Variants in USP38 observed in about 807,000 individuals in gnomAD.
USP38 encodes ubiquitin carboxyl-terminal hydrolase 38.
USP38 carries 49 observed loss-of-function variants against 94.3 expected under a neutral mutation model. The observed-to-expected ratio is 0.52, with a 90% confidence interval of 0.41 to 0.66. USP38 has a LOEUF of 0.66. USP38 is among the 30% of genes least tolerant of loss of function. The probability of loss-of-function intolerance (pLI) is 0.00; values close to 1 mark genes in which losing one functional copy is unlikely to be tolerated. For missense variants in USP38, 1,128 were observed against 1,229.4 expected (o/e 0.92, Z 1.23); for synonymous variants, 468 against 463.6 (o/e 1.01, Z -0.12).
Position 143,220,473 on chromosome 4 carries a change from A to AATGCACTGGTCACGAAACGTCTAATACT in USP38, c.*21_*48dup. The AATGCACTGGTCACGAAACGTCTAATACT allele has an allele frequency of 6.2e-7, 1 of 1,602,074 alleles. No homozygotes were observed. Among genetic ancestry groups the AATGCACTGGTCACGAAACGTCTAATACT allele is most frequent in the Non-Finnish European group, 8.5e-7 (1 of 1,174,660 alleles). On this transcript the variant is annotated 3_prime_UTR_variant, in exon 10 of 10. Transcript: ENST00000307017. ...GTATTTTGATCCTGAGAGAGTCCAA[A>AATGCACTGGTCACGAAACGTCTAATACT]ATGCACTGGTCACGAAACGTCTAAT... is the stretch of plus-strand genomic sequence containing the variant.
At position 143,221,716 on chromosome 4, in the gene USP38, C is replaced by T. The variant is rs560356269; in HGVS notation, c.*1260C>T. The T allele has an allele frequency of 4.4e-4, 67 of 152,186 alleles. No homozygotes were observed. The highest frequency in any genetic ancestry group is 1.3e-3 in the African/African-American group (55 of 41,556). 9.4% of individuals were successfully genotyped at this position (152,186 alleles called of 1,614,324 possible). On this transcript the variant is annotated 3_prime_UTR_variant, in exon 10 of 10. Transcript: ENST00000307017. ...CCCCTTCCTAAAGGTTTTAACTTAT[C>T]CACAGTTGTGCATTGTTCTGAAGAT...
In USP38 at chr4:143,185,800, G is replaced by A; in HGVS notation, c.350G>A (p.Cys117Tyr). The A allele has an allele frequency of 1.2e-6, 2 of 1,614,218 alleles. No individual in the cohort carries two copies. Among genetic ancestry groups the A allele is most frequent in the Non-Finnish European group, 1.7e-6 (2 of 1,180,034 alleles). ...IHNGLKLIMSCPSVLDLFSLL... is the reference protein window; with the variant it reads ...IHNGLKLIMSYPSVLDLFSLL... ...AACGGCCTGAAGCTGATTATGAGCT[G>A]TCCGTCGGTGCTGGATCTCTTTAGC... Residue 117 changes from cysteine (C) to tyrosine (Y), a missense_variant, in exon 1 of 10, where the codon TGT (cysteine) becomes TAT (tyrosine). Transcript: ENST00000307017.
intron 2 of USP38, among the ~76,000 whole-genome samples, chr4:143,190,869 G>A (rs193212290): frequency 1.2e-3 from 188 of 151,946 alleles, no homozygotes; most frequent in African/African-American, 4.1e-3. Flanking sequence ...CTACTAAGTC[G>A]AATTCATATT....
intron 1 of USP38, 61 bp downstream of exon 1, chr4:143,186,193 C>T: frequency 6.8e-7 from 1 of 1,481,224 alleles, no homozygotes; most frequent in Non-Finnish European, 9.3e-7. Context: ...CTCTTGCACA[C>T]ACACATTCAC....
In USP38 at chr4:143,214,885, C is replaced by A. The variant is rs1732142122; in HGVS notation, c.2909C>A (p.Pro970Gln). 2 of 1,613,398 alleles carry A rather than the reference C, an allele frequency of 1.2e-6. No homozygotes were observed. Residue 970 changes from proline (P) to glutamine (Q), a missense_variant, in exon 9 of 10, where the codon CCA (proline) becomes CAA (glutamine). Coordinates refer to ENST00000307017, the MANE Select transcript of USP38 (RefSeq NM_032557.6). ...PTSGLWINGD[P>Q]PLQKELMDAI... ...AGTGGACTCTGGATAAATGGAGACCCACCTCTACAGAAAGAACTTATGGAT... is the reference window on the plus strand; with the variant it reads ...AGTGGACTCTGGATAAATGGAGACCAACCTCTACAGAAAGAACTTATGGAT...
chr4:143,212,010 A>T (rs1036554199), intron 7 of USP38, among the ~76,000 whole-genome samples: 1 of 152,186 alleles, frequency 6.6e-6, no homozygotes, highest in Non-Finnish European at 1.5e-5. Context: ...CAGGAGCTTT[A>T]TATCAAGAGT....
chr4:143,185,488 A>T lies in USP38; in HGVS notation c.38A>T (p.His13Leu), dbSNP rs1731189244. Residue 13 changes from histidine (H) to leucine (L), a missense_variant, in exon 1 of 10, where the codon CAT (histidine) becomes CTT (leucine). Transcript: ENST00000307017. ...KILEGLVSSS[H>L]PLPLKRVIVR... ...CTGGAGGGCCTTGTGAGTTCCTCGCATCCCCTGCCCCTCAAGCGGGTGATT... is the reference window on the plus strand; with the variant it reads ...CTGGAGGGCCTTGTGAGTTCCTCGCTTCCCCTGCCCCTCAAGCGGGTGATT... 1 of 1,605,278 alleles carries T rather than the reference A, an allele frequency of 6.2e-7. No individual in the cohort carries two copies. Among genetic ancestry groups the T allele is most frequent in the Admixed American group, 1.7e-5 (1 of 59,440 alleles).
In USP38 at chr4:143,185,397, G is replaced by A. The variant is rs1043379307; in HGVS notation, c.-54G>A. 5.9e-6 allele frequency: 9 copies of A among 1,517,632 alleles called. No homozygotes were observed. In the African/African-American group the frequency reaches 1.1e-4, roughly 19 times the overall value. 94.0% of individuals were successfully genotyped at this position (1,517,632 alleles called of 1,614,324 possible). ...CCGGGGCTCTCCTGCCCCACCTCGG[G>A]GCTGCCGCCACCCGCTCCTTATCCC... is the stretch of plus-strand genomic sequence containing the variant. On this transcript the variant is annotated 5_prime_UTR_variant, in exon 1 of 10. Coordinates refer to ENST00000307017, the MANE Select transcript of USP38 (RefSeq NM_032557.6).
At chr4:143,188,544 G>A (rs1731299262) in intron 2 of USP38, among the ~76,000 whole-genome samples, 1 of 152,050 alleles carries the variant, frequency 6.6e-6, no homozygotes, top group Non-Finnish European at 1.5e-5. Flanking sequence ...ATTCCTTTGT[G>A]AGTAGTCAGC....
Position 143,214,858 on chromosome 4 carries a change from C to A in USP38, c.2882C>A (p.Thr961Asn). Residue 961 changes from threonine to asparagine, a missense_variant, in exon 9 of 10, where the codon ACC (threonine) becomes AAC (asparagine). Physicochemically the swap from Thr to Asn is moderately conservative, Grantham distance 65. Coordinates refer to ENST00000307017, the MANE Select transcript of USP38 (RefSeq NM_032557.6). ...AATGGTTTAAGTGGTAATAACCCAA[C>A]CAGTGGACTCTGGATAAATGGAGAC... The part of the protein sequence containing the change: ...STNGLSGNNP[T>N]SGLWINGDPP... 1 of 1,613,510 alleles carries A rather than the reference C, an allele frequency of 6.2e-7. No homozygotes were observed. Among genetic ancestry groups the A allele is most frequent in the Non-Finnish European group, 8.5e-7 (1 of 1,179,680 alleles).
intron 5 of USP38, chr4:143,204,267 A>C (rs771606889): frequency 1.3e-4 from 49 of 374,180 alleles, no homozygotes; most frequent in Non-Finnish European, 2.2e-4. Context: ...GGCGTGAGCC[A>C]CTGCACCTGG....
chr4:143,187,781 G>A (rs757352805), intron 1 of USP38, 45 bp from the exon 2 acceptor site: 6 of 1,525,244 alleles, frequency 3.9e-6, no homozygotes, highest in Non-Finnish European at 5.3e-6. Flanking sequence ...TTAAATACTT[G>A]AACCTACTTG....
chr4:143,185,403 C>T lies in USP38; in HGVS notation c.-48C>T, dbSNP rs759695914. ...CTCTCCTGCCCCACCTCGGGGCTGC[C>T]GCCACCCGCTCCTTATCCCCTGGCC... On this transcript the variant is annotated 5_prime_UTR_variant, in exon 1 of 10. Transcript: ENST00000307017. The T allele has an allele frequency of 1.3e-6, 2 of 1,520,842 alleles. No homozygotes were observed. Among genetic ancestry groups the T allele is most frequent in the Non-Finnish European group, 1.8e-6 (2 of 1,134,572 alleles). The allele number at this position is 1,520,842 out of a possible 1,614,324, so 94.2% of individuals were successfully genotyped here. A position where few individuals can be genotyped will look rare whatever the true frequency, so the allele number is the denominator to read the frequency against.
chr4:143,197,834 A>G lies in USP38; in HGVS notation c.960A>G (p.Arg320=), dbSNP rs1731595353. The G allele has an allele frequency of 1.2e-6, 2 of 1,612,448 alleles. No individual in the cohort carries two copies. Among genetic ancestry groups the G allele is most frequent in the South Asian group, 2.2e-5 (2 of 90,676 alleles). The change falls in exon 4 of 10, where the codon CGA becomes CGG. Residue 320 remains arginine, a synonymous_variant. Transcript: ENST00000307017. ...GTCTTATTTTGAAGGTTTTTAATCG[A>G]CTTTGGTTTCCTCTTGTGAGACCTG... is the stretch of plus-strand genomic sequence containing the variant. ...TLLKIELVFN[R]LWFPLVRPGA...
At chr4:143,208,741 TTGTGGG>T (rs1731941367) in intron 6 of USP38, among the ~76,000 whole-genome samples, 2 of 152,036 alleles carry the variant, frequency 1.3e-5, no homozygotes, top group African/African-American at 4.8e-5. Context: ...CAATTCAAAT[TTGTGGG>T]GTGTTTTATT....
At position 143,218,925 on chromosome 4, in the gene USP38, C is replaced by T. The variant is rs377379465; in HGVS notation, c.2968-1370C>T. 1.0e-3 allele frequency among the ~76,000 whole-genome samples: 154 copies of T among 152,108 alleles called. 1 individual carries two copies. Among genetic ancestry groups the T allele is most frequent in the African/African-American group, 3.6e-3 (151 of 41,522 alleles). ...TTGGTTGGGGGGTTTCTGTCTGTTT[C>T]TGATGTTACTTATGGCACTTAATTT... On this transcript the variant is annotated intron_variant, in intron 9 of 9. Transcript: ENST00000307017.
intron 2 of USP38, 78 bp from the exon 3 acceptor site, chr4:143,195,638 A>G: frequency 7.1e-7 from 1 of 1,414,566 alleles, no homozygotes; most frequent in Non-Finnish European, 9.5e-7. Context: ...GTGAGTGATT[A>G]TCTACTGTAA....
At chr4:143,198,651 T>G (rs1159602690) in intron 4 of USP38, among the ~76,000 whole-genome samples, 1 of 152,204 alleles carries the variant, frequency 6.6e-6, no homozygotes, top group Non-Finnish European at 1.5e-5. Flanking sequence ...CATTTGTTTT[T>G]ATTTATCTAG....
chr4:143,186,329 T>G (rs1581152768), intron 1 of USP38, among the ~76,000 whole-genome samples, 197 bp downstream of exon 1: 1 of 152,172 alleles, frequency 6.6e-6, no homozygotes, highest in East Asian at 1.9e-4. Context: ...ACAGGCAGCG[T>G]TCCCATTTTA....
Sources: allele counts gnomAD v4.1 joint callset (sites outside exome capture counted in the v4.1 genomes callset), GRCh38; gene constraint gnomAD v4.1.1; transcripts MANE v1.5; gene names NCBI Gene and HGNC (gene_info 2026-07-23, HGNC 2026-07-21).